The following PALM variants were observed in gnomAD, a reference collection of about 807,000 sequenced individuals.
The protein encoded by PALM is paralemmin, also known as paralemmin-1.
Under a neutral mutation model 30.7 loss-of-function variants are expected in PALM, and 18 were observed. The observed-to-expected ratio is 0.59, with a 90% confidence interval of 0.41 to 0.87. The LOEUF (loss-of-function observed/expected upper bound fraction) is 0.87, where lower values mean the gene tolerates loss of function less well. Among genes scored for constraint, PALM ranks in the 40% least tolerant of loss-of-function variants. The pLI is 0.00. For missense variants in PALM, 529 were observed against 555.4 expected (o/e 0.95, Z 0.48); for synonymous variants, 286 against 242.8 (o/e 1.18, Z -1.66).
chr19:724,033 G>A (rs531658740), intron 1 of PALM, among the ~76,000 whole-genome samples: 53 of 151,262 alleles, frequency 3.5e-4, no homozygotes, highest in African/African-American at 1.3e-3. Flanking sequence ...AGTGGGGTGG[G>A]GGTGCCCTGA....
At chr19:721,974 A>G (rs1440972917) in intron 1 of PALM, among the ~76,000 whole-genome samples, 1 of 151,962 alleles carries the variant, frequency 6.6e-6, no homozygotes, top group Non-Finnish European at 1.5e-5. Flanking sequence ...GCTGGAGTGC[A>G]GTGGCGCAAT....
chr19:739,198 C>A (rs2033115267), intron 7 of PALM, among the ~76,000 whole-genome samples: 1 of 152,118 alleles, frequency 6.6e-6, no homozygotes, highest in Non-Finnish European at 1.5e-5. Flanking sequence ...GTTCGACTAT[C>A]TCAGGAGGGT....
chr19:720,326 A>AG (rs1318154081), intron 1 of PALM, among the ~76,000 whole-genome samples: 5 of 146,764 alleles, frequency 3.4e-5, no homozygotes, highest in African/African-American at 1.3e-4. Context: ...GGGAGGGGCG[A>AG]GGGGGGCGCA....
At position 709,570 on chromosome 19, in the gene PALM, C is replaced by A. The variant is rs900853485; in HGVS notation, c.5+419C>A. Among the ~76,000 whole-genome samples, 1 of 152,018 alleles carries A rather than the reference C, an allele frequency of 6.6e-6. No homozygotes were observed. Among genetic ancestry groups the A allele is most frequent in the African/African-American group, 2.4e-5 (1 of 41,444 alleles). ...TCCGGCCTCGCGCTCACGCACCCTTCCCCCGCCCCAGTCTGAGCGCACGGC... is the reference window on the plus strand; with the variant it reads ...TCCGGCCTCGCGCTCACGCACCCTTACCCCGCCCCAGTCTGAGCGCACGGC... On this transcript the variant is annotated intron_variant, in intron 1 of 8. Coordinates refer to ENST00000338448, the MANE Select transcript of PALM (RefSeq NM_002579.3). This position sits in a 1 kb window ranked among gnomAD's most constrained non-coding sequence, Gnocchi z 4.3.
intron 1 of PALM, among the ~76,000 whole-genome samples, chr19:714,859 T>C (rs1599134859): frequency 1.3e-5 from 2 of 152,064 alleles, no homozygotes; most frequent in South Asian, 4.2e-4. Flanking sequence ...TCTCCCTGTG[T>C]TGCCCAGGCC....
chr19:736,073 A>T lies in PALM; in HGVS notation c.497A>T (p.Lys166Met). The stretch of plus-strand genomic sequence containing the variant: ...ACGGTTGACGGCTCCCCCATGATGA[A>T]GGCAGGTGGGTTGGCCCCCAGGCTC... ...LRTVDGSPMM[K>M]AAMYSVEITV... is the part of the protein sequence containing the mutation. Residue 166 changes from lysine to methionine, a missense_variant, in exon 7 of 9, where the codon AAG becomes ATG. Physicochemically the swap from Lys to Met is moderately conservative, Grantham distance 95. Coordinates refer to ENST00000338448, the MANE Select transcript of PALM (RefSeq NM_002579.3). The T allele has an allele frequency of 6.2e-7, 1 of 1,602,902 alleles. No homozygotes were observed. Among genetic ancestry groups the T allele is most frequent in the Non-Finnish European group, 8.5e-7 (1 of 1,173,684 alleles).
Position 719,060 on chromosome 19 carries a change from C to T in PALM, c.6-7078C>T, listed in dbSNP as rs543558584. ...CACCCCCCACAATGGCCAAGGTCAC[C>T]GTCAGCTCTTTCCTTTCAATTAGCA... On this transcript the variant is annotated intron_variant, in intron 1 of 8. Transcript: ENST00000338448. 1.3e-5 allele frequency: 13 copies of T among 971,812 alleles called. No individual in the cohort carries two copies. In the South Asian group the frequency reaches 4.8e-4, roughly 36 times the overall value. The allele number at this position is 971,812 out of a possible 1,614,324, so 60.2% of individuals were successfully genotyped here.
chr19:726,996 C>T lies in PALM; in HGVS notation c.58-12C>T, dbSNP rs935498925. The stretch of plus-strand genomic sequence containing the variant: ...CACGCCCATCCCTGACCCCACCCGG[C>T]CCTCCCCACAGGAGAAGCGGAAGCG... On this transcript the variant is annotated splice_polypyrimidine_tract_variant and intron_variant, in intron 2 of 8. Coordinates refer to ENST00000338448, the MANE Select transcript of PALM (RefSeq NM_002579.3). The T allele has an allele frequency of 7.5e-6, 10 of 1,335,632 alleles. No individual in the cohort carries two copies. The highest frequency in any genetic ancestry group is 1.0e-5 in the Non-Finnish European group (10 of 961,954). The allele number at this position is 1,335,632 out of a possible 1,614,324, so 82.7% of individuals were successfully genotyped here. A position where few individuals can be genotyped will look rare whatever the true frequency, so the allele number is the denominator to read the frequency against.
At chr19:727,404 G>A (rs963597317) in intron 3 of PALM, among the ~76,000 whole-genome samples, 160 bp from the exon 4 acceptor site, 13 of 150,920 alleles carry the variant, frequency 8.6e-5, no homozygotes, top group African/African-American at 2.7e-4. Context: ...CCCCAACCTC[G>A]ATTGTGATTC....
chr19:710,457 G>A (rs1178322917), intron 1 of PALM, among the ~76,000 whole-genome samples: 4 of 152,146 alleles, frequency 2.6e-5, no homozygotes, highest in African/African-American at 7.2e-5. Context: ...GCCAGGCCCC[G>A]GAGGAGCCTC....
At chr19:739,614 A>G (rs1444075933) in intron 7 of PALM, among the ~76,000 whole-genome samples, 1 of 151,968 alleles carries the variant, frequency 6.6e-6, no homozygotes, top group African/African-American at 2.4e-5. Flanking sequence ...CAGGAAGGTC[A>G]TGACTGCAGT....
chr19:734,545 C>A, intron 6 of PALM: 1 of 278,742 alleles, frequency 3.6e-6, no homozygotes, highest in Non-Finnish European at 6.8e-6. Context: ...CTCTGCCAAA[C>A]ATAAAAAAAT....
In PALM at chr19:710,197, A is replaced by C. The variant is rs528380248; in HGVS notation, c.5+1046A>C. 9.9e-3 allele frequency among the ~76,000 whole-genome samples: 1,506 copies of C among 152,130 alleles called. 15 individuals carry two copies. Among genetic ancestry groups the C allele is most frequent in the Middle Eastern group, 0.017 (5 of 294 alleles). On this transcript the variant is annotated intron_variant, in intron 1 of 8. Transcript: ENST00000338448. ...GCCCTTCCCACTGGGCGTGTTTTCTAAGCCGCCAACTTTCCCCGGGGATTC... is the reference window on the plus strand; with the variant it reads ...GCCCTTCCCACTGGGCGTGTTTTCTCAGCCGCCAACTTTCCCCGGGGATTC...
intron 4 of PALM, among the ~76,000 whole-genome samples, chr19:728,277 G>C (rs944871124): frequency 6.6e-6 from 1 of 152,148 alleles, no homozygotes; most frequent in African/African-American, 2.4e-5. Context: ...GGCTGTGCTC[G>C]GGGGCAGCAG....
intron 1 of PALM, among the ~76,000 whole-genome samples, chr19:712,574 A>G (rs902655517): frequency 6.0e-5 from 9 of 150,970 alleles, no homozygotes; most frequent in Non-Finnish European, 8.8e-5. Flanking sequence ...TGGTAGAGAC[A>G]GGGTTTCACA....
chr19:715,875 A>C (rs1290864384), intron 1 of PALM, among the ~76,000 whole-genome samples: 1 of 152,104 alleles, frequency 6.6e-6, no homozygotes, highest in African/African-American at 2.4e-5. Flanking sequence ...GCCCACAGGG[A>C]CGGGGCTCCC....
intron 1 of PALM, among the ~76,000 whole-genome samples, chr19:710,650 T>TGGGGGGGGGGGG (rs2032044786): frequency 9.0e-6 from 1 of 111,470 alleles, no homozygotes. Context: ...GAGGAGCTGC[T>TGGGGGGGGGGGG]GCCCCCCCCC....
chr19:739,249 C>T (rs1289403018), intron 7 of PALM, among the ~76,000 whole-genome samples: 2 of 151,912 alleles, frequency 1.3e-5, no homozygotes, highest in Admixed American at 6.6e-5. Flanking sequence ...CGTGTCCAAC[C>T]GTTGGCTGGA....
rs545491818 is a variant in PALM at position 737,729 on chromosome 19, C to T, written c.502+1651C>T. 2.4e-4 allele frequency among the ~76,000 whole-genome samples: 37 copies of T among 152,174 alleles called. No individual in the cohort carries two copies. In the Middle Eastern group the frequency reaches 0.014, roughly 56 times the overall value. On this transcript the variant is annotated intron_variant, in intron 7 of 8. Coordinates refer to ENST00000338448, the MANE Select transcript of PALM (RefSeq NM_002579.3). ...GTGCAAAGGCCCCGGGGCAGGACTG[C>T]GCCTGGGGTGTTGGAGGAACGGCCA...
Sources: allele counts gnomAD v4.1 joint callset (sites outside exome capture counted in the v4.1 genomes callset), GRCh38; gene constraint gnomAD v4.1.1; non-coding constraint Gnocchi (gnomAD v3.1); transcripts MANE v1.5; gene names NCBI Gene and HGNC (gene_info 2026-07-23, HGNC 2026-07-21).